Variants in DBR1 observed in about 807,000 individuals in gnomAD.
The protein encoded by DBR1 is debranching RNA lariats 1.
Under a neutral mutation model 45.9 loss-of-function variants are expected in DBR1, and 33 were observed. That is an observed-to-expected ratio of 0.72 (90% CI 0.55 to 0.96). The LOEUF (loss-of-function observed/expected upper bound fraction) is 0.96. Among genes scored for constraint, DBR1 ranks in the 40% least tolerant of loss-of-function variants. The pLI is 0.00. For synonymous variants in DBR1, 235 were observed against 235.9 expected (o/e 1.00, Z 0.04); for missense variants, 619 against 667.4 (o/e 0.93, Z 0.80).
In DBR1 at chr3:138,162,474, A is replaced by G; in HGVS notation, c.1050T>C (p.Pro350=). Residue 350 remains proline (P), a synonymous_variant, in exon 8 of 8, where the codon CCT becomes CCC. Coordinates refer to ENST00000260803, the MANE Select transcript of DBR1 (RefSeq NM_016216.4). ...GCTGCATTTGTGTCTGTGGCTTGCT[A>G]GGATCATAACAAGCAGCTGTTACAC... The part of the protein sequence containing the change: ...NFSVTAACYD[P]SKPQTQMQLI... The G allele has an allele frequency of 1.2e-6, 2 of 1,614,178 alleles. No homozygotes were observed. The highest frequency in any genetic ancestry group is 1.7e-6 in the Non-Finnish European group (2 of 1,180,022).
Position 138,161,619 on chromosome 3 carries a change from G to A in DBR1, c.*270C>T, listed in dbSNP as rs2042907431. ...CCAGCACTTTAGAAGGCCAAGACAG[G>A]TGGATCGCCTGAGGTCAGGAGTTGG... is the stretch of plus-strand genomic sequence containing the variant. On this transcript the variant is annotated 3_prime_UTR_variant, in exon 8 of 8. Coordinates refer to ENST00000260803, the MANE Select transcript of DBR1 (RefSeq NM_016216.4). The A allele has an allele frequency of 2.8e-6, 1 of 359,504 alleles. No homozygotes were observed. Among genetic ancestry groups the A allele is most frequent in the African/African-American group, 2.1e-5 (1 of 48,376 alleles). The allele number at this position is 359,504 out of a possible 1,614,324, so 22.3% of individuals were successfully genotyped here. A position where few individuals can be genotyped will look rare whatever the true frequency, so the allele number is the denominator to read the frequency against.
At position 138,162,013 on chromosome 3, in the gene DBR1, T is replaced by A; in HGVS notation, c.1511A>T (p.Asp504Val). 1.9e-6 allele frequency: 3 copies of A among 1,614,160 alleles called. No individual in the cohort carries two copies. Among genetic ancestry groups the A allele is most frequent in the Non-Finnish European group, 2.5e-6 (3 of 1,180,024 alleles). ...CCTCTTCAATGGCACCTTGGTTAAG[T>A]CCTCTCCATTCCCTGACTCCACAGT... ...GGTVESGNGE[D>V]LTKVPLKRLS... The change falls in exon 8 of 8, where the codon GAC becomes GTC. Residue 504 changes from aspartate (D) to valine (V), a missense_variant. Coordinates refer to ENST00000260803, the MANE Select transcript of DBR1 (RefSeq NM_016216.4).
rs1249447870 is a variant in DBR1, at chr3:138,174,619, A to C, written c.177T>G (p.Arg59=). Residue 59 remains arginine, a synonymous_variant, in exon 1 of 8, where the codon CGT becomes CGG. Coordinates refer to ENST00000260803, the MANE Select transcript of DBR1 (RefSeq NM_016216.4). ...CTCACCTGTAGAAGGTTTGCATGTG[A>C]CGATACTTGGGCGGCACGGCCATGC... The part of the protein sequence containing the change: ...LRCMAVPPKY[R]HMQTFYRYYS... The C allele has an allele frequency of 6.8e-7, 1 of 1,475,290 alleles. No homozygotes were observed. The highest frequency in any genetic ancestry group is 1.1e-5 in the South Asian group (1 of 88,858). The allele number at this position is 1,475,290 out of a possible 1,614,324, so 91.4% of individuals were successfully genotyped here.
chr3:138,174,772 G>A lies in DBR1; in HGVS notation c.24C>T (p.Cys8=). The A allele has an allele frequency of 6.2e-7, 1 of 1,611,038 alleles. No individual in the cohort carries two copies. The highest frequency in any genetic ancestry group is 8.5e-7 in the Non-Finnish European group (1 of 1,179,544). MRVAVAG[C]CHGELDKIYE... ...AGATCTTATCCAGCTCGCCGTGGCA[G>A]CAGCCAGCCACAGCCACCCGCATTC... is the stretch of plus-strand genomic sequence containing the variant. Residue 8 remains cysteine, a synonymous_variant, in exon 1 of 8, where the codon TGC becomes TGT. Coordinates refer to ENST00000260803, the MANE Select transcript of DBR1 (RefSeq NM_016216.4).
At chr3:138,170,499 T>G (rs1269649999) in intron 3 of DBR1, among the ~76,000 whole-genome samples, 1 of 152,204 alleles carries the variant, frequency 6.6e-6, no homozygotes, top group Non-Finnish European at 1.5e-5. Context: ...ATTATTGTTG[T>G]TTTAAGCCGA....
intron 5 of DBR1, chr3:138,164,141 A>G: frequency 4.7e-6 from 1 of 212,432 alleles, no homozygotes; most frequent in East Asian, 1.1e-4. Flanking sequence ...CATAAATCAA[A>G]GCATATAACC....
At chr3:138,174,184 C>T (rs1229263139) in intron 1 of DBR1, among the ~76,000 whole-genome samples, 1 of 152,130 alleles carries the variant, frequency 6.6e-6, no homozygotes, top group Non-Finnish European at 1.5e-5. Context: ...ACAACAAGCA[C>T]ATAGCAGGGG....
In DBR1 at chr3:138,167,119, G is replaced by C; in HGVS notation, c.676C>G (p.His226Asp). ...HLKPTYWFSA[H>D]LHVKFAALMQ... ...AAGGCGGCAAACTTCACATGAAGGT[G>C]GGCAGAAAACCAATAAGTAGGTTTG... Residue 226 changes from histidine (H) to aspartate (D), a missense_variant, in exon 5 of 8, where the codon CAC (histidine) becomes GAC (aspartate). Transcript: ENST00000260803. 6.2e-7 allele frequency: 1 copy of C among 1,614,128 alleles called. No individual in the cohort carries two copies. Among genetic ancestry groups the C allele is most frequent in the Non-Finnish European group, 8.5e-7 (1 of 1,180,022 alleles).
At position 138,162,178 on chromosome 3, in the gene DBR1, G is replaced by A. The variant is rs2042910732; in HGVS notation, c.1346C>T (p.Thr449Ile). 3.7e-6 allele frequency: 6 copies of A among 1,614,022 alleles called. No homozygotes were observed. The African/African-American group carries it at 4.0e-5, about 11-fold the overall frequency. The change falls in exon 8 of 8, where the codon ACA (threonine) becomes ATA (isoleucine). Residue 449 changes from threonine (T) to isoleucine (I), a missense_variant. This residue lies in a region of DBR1 where 182 missense variants were observed against 196.1 expected (regional missense o/e 0.93). Transcript: ENST00000260803. ...TTGATCAGAAGGTTCTACCGATGGT[G>A]TATTCATGCCACTATGTGCACTTAC... ...SIVSAHSGMNTPSVEPSDQAS... is the reference protein window; with the variant it reads ...SIVSAHSGMNIPSVEPSDQAS...
intron 3 of DBR1, 64 bp downstream of exon 3, chr3:138,171,569 T>A: frequency 1.0e-6 from 1 of 973,530 alleles, no homozygotes; most frequent in South Asian, 1.3e-5. Context: ...AAAGTACATA[T>A]CATGCTTAAC....
chr3:138,173,982 C>T (rs1050189741), intron 1 of DBR1, among the ~76,000 whole-genome samples: 1 of 147,984 alleles, frequency 6.8e-6, no homozygotes, highest in African/African-American at 2.5e-5. Context: ...TATCGCGGTA[C>T]TGCACTCCAG....
chr3:138,167,120 G>A lies in DBR1; in HGVS notation c.675C>T (p.Ala225=). ...AGGCGGCAAACTTCACATGAAGGTG[G>A]GCAGAAAACCAATAAGTAGGTTTGA... ...EHLKPTYWFS[A]HLHVKFAALM... Residue 225 remains alanine, a synonymous_variant, in exon 5 of 8, where the codon GCC becomes GCT. Transcript: ENST00000260803. 6.2e-7 allele frequency: 1 copy of A among 1,614,064 alleles called. No individual in the cohort carries two copies. The highest frequency in any genetic ancestry group is 1.3e-5 in the African/African-American group (1 of 75,006).
chr3:138,161,974 T>C lies in DBR1; in HGVS notation c.1550A>G (p.His517Arg). 5.0e-6 allele frequency: 8 copies of C among 1,614,232 alleles called. No homozygotes were observed. The highest frequency in any genetic ancestry group is 6.8e-6 in the Non-Finnish European group (8 of 1,180,054). The stretch of plus-strand genomic sequence containing the variant: ...AATTTTCTTTCTTTGTTCAGGTTCA[T>C]GTTCATCACTCAGCCTCTTCAATGG... ...KVPLKRLSDE[H>R]EPEQRKKIKR... The change falls in exon 8 of 8, where the codon CAT (histidine) becomes CGT (arginine). Residue 517 changes from histidine (H) to arginine (R), a missense_variant. His to Arg is a conservative substitution (Grantham distance 29). This residue lies in a region of DBR1 where 182 missense variants were observed against 196.1 expected (regional missense o/e 0.93). Coordinates refer to ENST00000260803, the MANE Select transcript of DBR1 (RefSeq NM_016216.4).
chr3:138,170,177 G>A lies in DBR1; in HGVS notation c.419C>T (p.Pro140Leu). 1 of 1,588,832 alleles carries A rather than the reference G, an allele frequency of 6.3e-7. No individual in the cohort carries two copies. Among genetic ancestry groups the A allele is most frequent in the Non-Finnish European group, 8.6e-7 (1 of 1,165,996 alleles). ...CCTGATTGTAGATGAATTATAAGGG[G>A]GGCACTCAAAATGACCTTAGATTGA... is the stretch of plus-strand genomic sequence containing the variant. Reference protein sequence around the residue: ...HDYRKGHFECPPYNSSTIRSI... With the variant: ...HDYRKGHFECLPYNSSTIRSI... The change falls in exon 4 of 8, where the codon CCC (proline) becomes CTC (leucine). Residue 140 changes from proline (P) to leucine (L), a missense_variant. By Grantham distance (98) the Pro-to-Leu change is moderately conservative. Transcript: ENST00000260803.
chr3:138,163,392 C>A lies in DBR1; in HGVS notation c.898G>T (p.Gly300Trp). The change falls in exon 7 of 8, where the codon GGG (glycine) becomes TGG (tryptophan). Residue 300 changes from glycine to tryptophan, a missense_variant. Around this residue, in one of 3 missense-constraint regions of DBR1, gnomAD observed 430 missense variants for 447.7 expected, o/e 0.96. Transcript: ENST00000260803. Reference protein sequence around the residue: ...RATDDLINVTGRLWNMPENNG... With the variant: ...RATDDLINVTWRLWNMPENNG... The stretch of plus-strand genomic sequence containing the variant: ...TTTTCTGGCATATTCCACAGGCGCC[C>A]AGTCACATTAATAAGATCATCCGTA... 1 of 1,613,816 alleles carries A rather than the reference C, an allele frequency of 6.2e-7. No homozygotes were observed. The highest frequency in any genetic ancestry group is 1.1e-5 in the South Asian group (1 of 91,046).
At chr3:138,163,563 TAATAA>T (rs2042917566) in intron 6 of DBR1, 69 bp from the exon 7 acceptor site, 2 of 861,238 alleles carry the variant, frequency 2.3e-6, no homozygotes, top group Non-Finnish European at 3.2e-6. Flanking sequence ...TAATATAATT[TAATAA>T]AATAAAAAGG....
At chr3:138,169,244 G>A (rs1453494646) in intron 4 of DBR1, among the ~76,000 whole-genome samples, 1 of 152,178 alleles carries the variant, frequency 6.6e-6, no homozygotes, top group Non-Finnish European at 1.5e-5. Flanking sequence ...TTAAAGGGAT[G>A]AAGTTAAGAG....
Position 138,162,586 on chromosome 3 carries a change from T to C in DBR1, c.942-4A>G, listed in dbSNP as rs1394896651. On this transcript the variant is annotated splice_polypyrimidine_tract_variant and splice_region_variant and intron_variant, in intron 7 of 7. Coordinates refer to ENST00000260803, the MANE Select transcript of DBR1 (RefSeq NM_016216.4). Reference sequence around the variant, plus strand: ...TTCTGTTGCACTATAATCCCACCTATAAAAGTACAAAACAATAGCTTTTTA... The same window carrying C: ...TTCTGTTGCACTATAATCCCACCTACAAAAGTACAAAACAATAGCTTTTTA... 2.5e-6 allele frequency: 4 copies of C among 1,601,424 alleles called. No individual in the cohort carries two copies. The South Asian group carries it at 3.3e-5, about 13-fold the overall frequency.
intron 5 of DBR1, 68 bp downstream of exon 5, chr3:138,167,013 A>C: frequency 2.9e-6 from 4 of 1,401,848 alleles, no homozygotes; most frequent in Non-Finnish European, 4.0e-6. Flanking sequence ...CTAACTTTAC[A>C]ACTGTGTCTG....
Sources: allele counts gnomAD v4.1 joint callset (sites outside exome capture counted in the v4.1 genomes callset), GRCh38; gene constraint gnomAD v4.1.1; regional missense constraint gnomAD v4.1.1; transcripts MANE v1.5; gene names NCBI Gene and HGNC (gene_info 2026-07-23, HGNC 2026-07-21).